CSGALNACT1: variants seen among roughly 807,000 people sequenced by gnomAD.
CSGALNACT1 encodes the protein chondroitin sulfate N-acetylgalactosaminyltransferase 1, also known as beta4GalNAcT-1.
A neutral mutation model predicts 51.0 loss-of-function variants in CSGALNACT1; 52 were observed. The observed-to-expected ratio is 1.02, with a 90% CI of 0.82 to 1.29. CSGALNACT1 has a LOEUF of 1.29. CSGALNACT1 is among the 50% of genes most tolerant of loss of function. CSGALNACT1 has a pLI of 0.00. For synonymous variants in CSGALNACT1, 341 were observed against 254.4 expected (o/e 1.34, Z -3.24); for missense variants, 935 against 679.2 (o/e 1.38, Z -4.19).
At chr8:19,689,249 C>T (rs1231514346) in intron 1 of CSGALNACT1, among the ~76,000 whole-genome samples, 1 of 152,122 alleles carries the variant, frequency 6.6e-6, no homozygotes, top group Non-Finnish European at 1.5e-5. Flanking sequence ...CTCTTATAAC[C>T]CAGCTACCAT....
At chr8:19,525,457 G>GA (rs886758444) in intron 3 of CSGALNACT1, among the ~76,000 whole-genome samples, 19 of 145,802 alleles carry the variant, frequency 1.3e-4, no homozygotes, top group African/African-American at 3.0e-4. Flanking sequence ...ATACAAAAAA[G>GA]AAAAAAAAAA....
intron 1 of CSGALNACT1, among the ~76,000 whole-genome samples, chr8:19,729,760 TTGA>T (rs1176333246): frequency 4.1e-4 from 62 of 152,230 alleles, no homozygotes; most frequent in Non-Finnish European, 7.4e-4. Context: ...ATCCTCTGCT[TTGA>T]CCACACAGAG....
chr8:19,511,327 C>T (rs906400818), intron 3 of CSGALNACT1, among the ~76,000 whole-genome samples: 2 of 152,176 alleles, frequency 1.3e-5, no homozygotes, highest in South Asian at 2.1e-4. Flanking sequence ...TGCCGCAGTG[C>T]GAGTCTATTC....
chr8:19,706,299 G>A (rs2062159683), intron 1 of CSGALNACT1, among the ~76,000 whole-genome samples: 1 of 152,150 alleles, frequency 6.6e-6, no homozygotes, highest in Non-Finnish European at 1.5e-5. Flanking sequence ...TTTGTGAACT[G>A]AAGCCAGGCT....
chr8:19,741,398 A>G (rs1367347142), intron 1 of CSGALNACT1, among the ~76,000 whole-genome samples: 1 of 152,114 alleles, frequency 6.6e-6, no homozygotes, highest in Non-Finnish European at 1.5e-5. Context: ...TCCCGTCTCT[A>G]CTAAAAATAC....
chr8:19,618,832 C>G (rs1039119912), intron 1 of CSGALNACT1, among the ~76,000 whole-genome samples: 1 of 152,092 alleles, frequency 6.6e-6, no homozygotes, highest in Non-Finnish European at 1.5e-5. Context: ...TAAATTTCTC[C>G]TTCCTGCTGG....
chr8:19,717,481 C>G (rs768358302), intron 1 of CSGALNACT1, among the ~76,000 whole-genome samples: 2 of 152,218 alleles, frequency 1.3e-5, no homozygotes, highest in Non-Finnish European at 2.9e-5. Context: ...AGCCTTGAGA[C>G]TCCACATGTT....
chr8:19,626,401 T>A (rs1463711047), intron 1 of CSGALNACT1, among the ~76,000 whole-genome samples: 3 of 151,802 alleles, frequency 2.0e-5, no homozygotes, highest in Non-Finnish European at 2.9e-5. Context: ...AAAAAAAAAA[T>A]TTACAATCTA....
chr8:19,458,962 T>C (rs906033317), intron 4 of CSGALNACT1, among the ~76,000 whole-genome samples: 2 of 152,176 alleles, frequency 1.3e-5, no homozygotes, highest in African/African-American at 2.4e-5. Context: ...AGACTGACTA[T>C]GATATAGAGT....
chr8:19,408,023 G>T (rs2054690828), intron 9 of CSGALNACT1, among the ~76,000 whole-genome samples: 1 of 152,122 alleles, frequency 6.6e-6, no homozygotes, highest in South Asian at 2.1e-4. Flanking sequence ...AGAGAGAAAT[G>T]TGGGTCTTTT....
chr8:19,496,034 C>A (rs1216992305), intron 4 of CSGALNACT1, among the ~76,000 whole-genome samples: 1 of 152,092 alleles, frequency 6.6e-6, no homozygotes. Context: ...ATAATGACCC[C>A]GTATTCCGGC....
At chr8:19,507,619 A>G (rs1386838463) in intron 3 of CSGALNACT1, among the ~76,000 whole-genome samples, 1 of 151,298 alleles carries the variant, frequency 6.6e-6, no homozygotes, top group East Asian at 1.9e-4. Flanking sequence ...AAACCTTCCT[A>G]AATGCATCTT....
intron 3 of CSGALNACT1, among the ~76,000 whole-genome samples, chr8:19,548,911 C>T (rs1348115809): frequency 6.6e-6 from 1 of 152,184 alleles, no homozygotes; most frequent in African/African-American, 2.4e-5. Flanking sequence ...TCCCGCCTCC[C>T]AGGCTCAAAC....
chr8:19,700,331 AG>A, intron 1 of CSGALNACT1, among the ~76,000 whole-genome samples: 1 of 152,158 alleles, frequency 6.6e-6, no homozygotes. Context: ...ACTTGAGGTT[AG>A]GAAGTCATTA....
At chr8:19,686,753 A>G (rs1283597632), upstream of CSGALNACT1, among the ~76,000 whole-genome samples, 2 of 152,108 alleles carry the variant, frequency 1.3e-5, no homozygotes, top group African/African-American at 4.8e-5. Context: ...AAATTTAACA[A>G]CCTCAGAAGG....
chr8:19,683,655 A>C (rs937251445), upstream of CSGALNACT1, among the ~76,000 whole-genome samples: 32 of 152,292 alleles, frequency 2.1e-4, no homozygotes, highest in African/African-American at 7.2e-4. Context: ...ATATACCTGG[A>C]AAGTAATTTA....
rs184479804 is a variant in CSGALNACT1 at position 19,449,206 on chromosome 8, C to T, written c.851+9220G>A. ...TTGGATGGATGTTCATACATAACCC[C>T]TGGCTCAAGTGAAATCAAAACCAAC... On this transcript the variant is annotated intron_variant, in intron 5 of 9. Coordinates refer to ENST00000454498, the Ensembl canonical transcript of CSGALNACT1. Among the ~76,000 whole-genome samples, 37 of 152,230 alleles carry T rather than the reference C, an allele frequency of 2.4e-4. No individual in the cohort carries two copies. The Middle Eastern group carries it at 0.017, about 70-fold the overall frequency.
chr8:19,597,995 C>T lies in CSGALNACT1; in HGVS notation c.-416+3776G>A, dbSNP rs7836160. 4.0e-3 allele frequency among the ~76,000 whole-genome samples: 611 copies of T among 152,288 alleles called. 5 individuals carry two copies. The highest frequency in any genetic ancestry group is 0.014 in the African/African-American group (575 of 41,554). ...CCCAGCCTGGGGCTCAGCAAAGGCTCCCCCCTTACCTGCCTCCCAAGATAA... is the reference window on the plus strand; with the variant it reads ...CCCAGCCTGGGGCTCAGCAAAGGCTTCCCCCTTACCTGCCTCCCAAGATAA... On this transcript the variant is annotated intron_variant, in intron 2 of 9. Coordinates refer to ENST00000454498, the Ensembl canonical transcript of CSGALNACT1.
chr8:19,740,962 T>G (rs1449031738), intron 1 of CSGALNACT1, among the ~76,000 whole-genome samples: 2 of 152,124 alleles, frequency 1.3e-5, no homozygotes, highest in East Asian at 3.9e-4. Flanking sequence ...CAAGATAATA[T>G]CTAAACTCCA....
Sources: allele counts gnomAD v4.1 joint callset (sites outside exome capture counted in the v4.1 genomes callset), GRCh38; gene constraint gnomAD v4.1.1; transcripts MANE v1.5; gene names NCBI Gene and HGNC (gene_info 2026-07-23, HGNC 2026-07-21).